Variants in SF3A2 observed in about 807,000 individuals in gnomAD.
SF3A2 encodes the protein splicing factor 3a subunit 2.
In SF3A2, 5 loss-of-function variants were observed where a neutral mutation model predicts 31.1. The observed-to-expected ratio is 0.16, with a 90% confidence interval of 0.08 to 0.34. SF3A2 has a LOEUF of 0.34. SF3A2 is among the 10% of genes least tolerant of loss of function. The pLI, the probability that SF3A2 is intolerant of heterozygous loss-of-function variation, is 1.00. For synonymous variants in SF3A2, 365 were observed against 263.7 expected (o/e 1.38, Z -3.72); for missense variants, 577 against 643.9 (o/e 0.90, Z 1.13).
chr19:2,247,711 C>T (rs1452182104), intron 8 of SF3A2, 49 bp downstream of exon 8: 2 of 1,611,054 alleles, frequency 1.2e-6, no homozygotes, highest in Middle Eastern at 1.7e-4. Context: ...GCCCTGGCGG[C>T]CCTAGCCCTG....
Position 2,243,548 on chromosome 19 carries a change from G to C in SF3A2, c.126+4G>C. The C allele has an allele frequency of 1.9e-6, 3 of 1,542,332 alleles. No individual in the cohort carries two copies. Among genetic ancestry groups the C allele is most frequent in the Non-Finnish European group, 2.6e-6 (3 of 1,152,722 alleles). On this transcript the variant is annotated splice_donor_region_variant and intron_variant, in intron 2 of 8. Transcript: ENST00000221494. ...GGAGACCATCGACATCAACAAGGTGGGCCAGCCACCGTGCAGCTGCCTGTG... is the reference window on the plus strand; with the variant it reads ...GGAGACCATCGACATCAACAAGGTGCGCCAGCCACCGTGCAGCTGCCTGTG...
chr19:2,247,683 C>T (rs752972462), intron 8 of SF3A2, 21 bp downstream of exon 8: 2 of 1,612,722 alleles, frequency 1.2e-6, no homozygotes, highest in Admixed American at 3.3e-5. Context: ...CGCCCCGAGC[C>T]TGGCTCCTTC....
chr19:2,242,469 A>T (rs1038005903), intron 1 of SF3A2, among the ~76,000 whole-genome samples: 5 of 152,008 alleles, frequency 3.3e-5, no homozygotes, highest in African/African-American at 1.2e-4. Context: ...GCCTCCTCTC[A>T]TGAGGTCACC....
chr19:2,246,017 G>C lies in SF3A2; in HGVS notation c.355+462G>C, dbSNP rs1240554918. On this transcript the variant is annotated intron_variant, in intron 5 of 8. Coordinates refer to ENST00000221494, the MANE Select transcript of SF3A2 (RefSeq NM_007165.5). This position sits in a 1 kb window ranked among gnomAD's most constrained non-coding sequence, Gnocchi z 5.5. ...GAAAGCTGGGGAAGTGACCAGGGTG[G>C]AAGATAGAGACTTGTGTCCATAGGG... is the stretch of plus-strand genomic sequence containing the variant. Among the ~76,000 whole-genome samples, 1 of 152,220 alleles carries C rather than the reference G, an allele frequency of 6.6e-6. No homozygotes were observed. Among genetic ancestry groups the C allele is most frequent in the African/African-American group, 2.4e-5 (1 of 41,452 alleles).
chr19:2,243,415 C>T lies in SF3A2; in HGVS notation c.-4C>T. The T allele has an allele frequency of 6.5e-7, 1 of 1,539,080 alleles. No homozygotes were observed. The highest frequency in any genetic ancestry group is 2.2e-5 in the Admixed American group (1 of 45,094). ...CAGTCTGCTAAAGCCCTAAGGCCAT[C>T]ACCATGGACTTCCAGCATCGCCCCG... is the stretch of plus-strand genomic sequence containing the variant. On this transcript the variant is annotated 5_prime_UTR_variant, in exon 2 of 9. Coordinates refer to ENST00000221494, the MANE Select transcript of SF3A2 (RefSeq NM_007165.5).
At chr19:2,238,389 TAGTA>T (rs1380175509) in intron 1 of SF3A2, among the ~76,000 whole-genome samples, 2 of 152,208 alleles carry the variant, frequency 1.3e-5, no homozygotes, top group Non-Finnish European at 2.9e-5. Flanking sequence ...ATCTTTACCT[TAGTA>T]AGTAACAGAT....
chr19:2,242,608 T>G (rs2024900958), intron 1 of SF3A2, among the ~76,000 whole-genome samples: 1 of 152,200 alleles, frequency 6.6e-6, no homozygotes, highest in East Asian at 1.9e-4. Context: ...TCACTCAGTC[T>G]CATGGGCCCC....
intron 2 of SF3A2, 98 bp from the exon 3 acceptor site, chr19:2,244,446 C>G (rs1203166788): frequency 2.2e-6 from 2 of 906,412 alleles, no homozygotes; most frequent in Non-Finnish European, 3.5e-6. Context: ...GGGGGTTCTG[C>G]CTCCATGCCT....
rs948042094 is a variant in SF3A2, at chr19:2,247,941, A to G, written c.790A>G (p.Met264Val). ...GCCAGGAGGCCTGCCTCTGCCACCC[A>G]TGCCCCCCACAGGGCCTGCGCCCTC... ...PPPGGLPLPP[M>V]PPTGPAPSGP... The change falls in exon 9 of 9, where the codon ATG becomes GTG. Residue 264 changes from methionine to valine, a missense_variant. Around this residue, in one of 6 missense-constraint regions of SF3A2, gnomAD observed 462 missense variants for 339.1 expected, o/e 1.36. Coordinates refer to ENST00000221494, the MANE Select transcript of SF3A2 (RefSeq NM_007165.5). The G allele has an allele frequency of 6.9e-7, 1 of 1,454,200 alleles. No individual in the cohort carries two copies. The highest frequency in any genetic ancestry group is 9.3e-7 in the Non-Finnish European group (1 of 1,073,344). The allele number at this position is 1,454,200 out of a possible 1,614,324, so 90.1% of individuals were successfully genotyped here. A position where few individuals can be genotyped will look rare whatever the true frequency, so the allele number is the denominator to read the frequency against.
Position 2,245,144 on chromosome 19 carries a change from A to C in SF3A2, c.246-302A>C. ...GATTGCAGTGAACCAAGGTGCTGCC[A>C]CTGTACTCCATCCTGGGCGACAGAG... On this transcript the variant is annotated intron_variant, in intron 4 of 8. Coordinates refer to ENST00000221494, the MANE Select transcript of SF3A2 (RefSeq NM_007165.5). This position sits in a 1 kb window ranked among gnomAD's most constrained non-coding sequence, Gnocchi z 4.2. 2.0e-6 allele frequency: 1 copy of C among 500,218 alleles called. No individual in the cohort carries two copies. The highest frequency in any genetic ancestry group is 3.0e-5 in the South Asian group (1 of 33,848). 31.0% of individuals were successfully genotyped at this position (500,218 alleles called of 1,614,324 possible). A position where few individuals can be genotyped will look rare whatever the true frequency, so the allele number is the denominator to read the frequency against.
chr19:2,237,836 C>T (rs2024848665), intron 1 of SF3A2: 2 of 152,172 alleles, frequency 1.3e-5, no homozygotes, highest in Admixed American at 6.6e-5. Flanking sequence ...CCGCTGTGAC[C>T]GTTGTTCTTG....
chr19:2,246,041 G>A lies in SF3A2; in HGVS notation c.355+486G>A, dbSNP rs1405587379. 1.3e-5 allele frequency among the ~76,000 whole-genome samples: 2 copies of A among 152,202 alleles called. No individual in the cohort carries two copies. Among genetic ancestry groups the A allele is most frequent in the Non-Finnish European group, 2.9e-5 (2 of 68,036 alleles). ...GGAAGATAGAGACTTGTGTCCATAG[G>A]GTTCAGGAAGGCGGGCACGCTACCC... is the stretch of plus-strand genomic sequence containing the variant. On this transcript the variant is annotated intron_variant, in intron 5 of 8. Transcript: ENST00000221494. This position sits in a 1 kb window ranked among gnomAD's most constrained non-coding sequence, Gnocchi z 5.5.
chr19:2,247,979 A>G lies in SF3A2; in HGVS notation c.828A>G (p.Gly276=). The stretch of plus-strand genomic sequence containing the variant: ...GGCCTGCGCCCTCAGGGCCCCCGGG[A>G]CCACCCCAGCTACCCCCGCCAGCTC... ...PTGPAPSGPP[G]PPQLPPPAPG... Residue 276 remains glycine (G), a synonymous_variant, in exon 9 of 9, where the codon GGA becomes GGG. Coordinates refer to ENST00000221494, the MANE Select transcript of SF3A2 (RefSeq NM_007165.5). The G allele has an allele frequency of 1.1e-6, 1 of 879,976 alleles. No individual in the cohort carries two copies. 54.5% of individuals were successfully genotyped at this position (879,976 alleles called of 1,614,324 possible).
chr19:2,244,410 C>T (rs151207261), intron 2 of SF3A2, 134 bp from the exon 3 acceptor site: 3 of 695,974 alleles, frequency 4.3e-6, no homozygotes, highest in Non-Finnish European at 7.5e-6. Flanking sequence ...TGACCACTGT[C>T]AGCGGTAGCC....
chr19:2,238,114 C>T (rs2024852818), intron 1 of SF3A2, among the ~76,000 whole-genome samples: 2 of 152,194 alleles, frequency 1.3e-5, no homozygotes, highest in South Asian at 4.1e-4. Flanking sequence ...GCCTCAAACT[C>T]CCATGCTCAA....
Position 2,246,828 on chromosome 19 carries a change from G to A in SF3A2, c.405+26G>A, listed in dbSNP as rs754723728. The A allele has an allele frequency of 3.1e-6, 5 of 1,613,600 alleles. No homozygotes were observed. Among genetic ancestry groups the A allele is most frequent in the Admixed American group, 3.3e-5 (2 of 59,978 alleles). On this transcript the variant is annotated intron_variant, in intron 6 of 8. Coordinates refer to ENST00000221494, the MANE Select transcript of SF3A2 (RefSeq NM_007165.5). The surrounding 1 kb of genome is among the most constrained non-coding windows in gnomAD (Gnocchi z 5.5). Reference sequence around the variant, plus strand: ...GTGAGATCAGGGACTTGGGCGTGGGGGGCGGCCAAAGGCACCCAAGAGGCG... The same window carrying A: ...GTGAGATCAGGGACTTGGGCGTGGGAGGCGGCCAAAGGCACCCAAGAGGCG...
intron 1 of SF3A2, among the ~76,000 whole-genome samples, chr19:2,238,246 A>T (rs1024314719): frequency 6.6e-6 from 1 of 151,934 alleles, no homozygotes. Flanking sequence ...CTGGTCTCGA[A>T]CTCCTGACCA....
chr19:2,243,622 C>A (rs2024908656), intron 2 of SF3A2, 78 bp downstream of exon 2: 1 of 1,422,722 alleles, frequency 7.0e-7, no homozygotes, highest in Non-Finnish European at 9.2e-7. Flanking sequence ...GCCAGAGGCT[C>A]TTCTTGGGCC....
In SF3A2 at chr19:2,245,845, A is replaced by T. The variant is rs913615421; in HGVS notation, c.355+290A>T. The T allele has an allele frequency of 1.5e-5, 7 of 454,010 alleles. No homozygotes were observed. The highest frequency in any genetic ancestry group is 1.4e-4 in the African/African-American group (7 of 50,330). 28.1% of individuals were successfully genotyped at this position (454,010 alleles called of 1,614,324 possible). A position where few individuals can be genotyped will look rare whatever the true frequency, so the allele number is the denominator to read the frequency against. Reference sequence around the variant, plus strand: ...GCTTCTGGGAATTCTTGCCAAGCAAAAGAGTGGAAGTGGAGGTGTGGTGAG... The same window carrying T: ...GCTTCTGGGAATTCTTGCCAAGCAATAGAGTGGAAGTGGAGGTGTGGTGAG... On this transcript the variant is annotated intron_variant, in intron 5 of 8. Coordinates refer to ENST00000221494, the MANE Select transcript of SF3A2 (RefSeq NM_007165.5). The surrounding 1 kb of genome is among the most constrained non-coding windows in gnomAD (Gnocchi z 4.2).
Sources: gnomAD v4.1 joint callset for allele counts (sites outside exome capture counted in the v4.1 genomes callset) on GRCh38, gnomAD v4.1.1 for gene constraint, gnomAD v4.1.1 regional missense constraint, Gnocchi (gnomAD v3.1) non-coding constraint, MANE v1.5 for transcripts, NCBI Gene and HGNC (gene_info 2026-07-23, HGNC 2026-07-21) for gene names.